The following GYS2 variants were observed in gnomAD, a reference collection of about 807,000 sequenced individuals.
GYS2 encodes the protein glycogen synthase 2.
GYS2 carries 80 observed loss-of-function variants against 85.6 expected under a neutral mutation model. That is an observed-to-expected ratio of 0.93 (90% confidence interval 0.78 to 1.13). GYS2 has a LOEUF of 1.13. Among genes scored for constraint, GYS2 ranks in the 50% most tolerant of loss-of-function variants. The pLI, the probability that GYS2 is intolerant of heterozygous loss-of-function variation, is 0.00. For synonymous variants in GYS2, 328 were observed against 300.7 expected (o/e 1.09, Z -0.94); for missense variants, 881 against 854.9 (o/e 1.03, Z -0.38).
intron 2 of GYS2, among the ~76,000 whole-genome samples, chr12:21,576,672 C>A (rs1051237900): frequency 2.0e-5 from 3 of 152,240 alleles, no homozygotes; most frequent in East Asian, 1.9e-4. Flanking sequence ...CTATTACATT[C>A]TTCAAATTGA....
At chr12:21,579,513 C>T (rs73085401) in intron 2 of GYS2, among the ~76,000 whole-genome samples, 23,187 of 151,998 alleles carry the variant, frequency 0.15, 1,894 homozygotes, top group Middle Eastern at 0.19. Context: ...GCCTGCAAAA[C>T]CACACCTGGC....
chr12:21,582,586 G>A (rs1425203403), intron 1 of GYS2, among the ~76,000 whole-genome samples: 1 of 136,516 alleles, frequency 7.3e-6, no homozygotes, highest in African/African-American at 2.7e-5. Flanking sequence ...TATAGAGATA[G>A]ATATAGAGAT....
rs577896819 is a variant in GYS2 at position 21,554,122 on chromosome 12, TGGAA to T, written c.1422+4074_1422+4077del. 3.5e-4 allele frequency among the ~76,000 whole-genome samples: 52 copies of T among 147,882 alleles called. 2 individuals carry two copies. The South Asian group carries it at 8.8e-3, about 25-fold the overall frequency. On this transcript the variant is annotated intron_variant, in intron 11 of 15. Transcript: ENST00000261195. ...TTCCTTTCTAGGAAGGAAAGAAGAA[TGGAA>T]GGAAGGAAGGAAGCGAGGAAGGAAG...
At chr12:21,567,197 C>G (rs1215305372) in intron 5 of GYS2, among the ~76,000 whole-genome samples, 1 of 152,002 alleles carries the variant, frequency 6.6e-6, no homozygotes, top group Admixed American at 6.6e-5. Flanking sequence ...AGTAAGTGAA[C>G]CTAGCAATTA....
downstream of GYS2, chr12:21,532,938 C>T (rs1388732881): frequency 6.6e-6 from 1 of 152,170 alleles, no homozygotes; most frequent in Non-Finnish European, 1.5e-5. Context: ...TAAAAGGTCC[C>T]TCTTCCCAAT....
intron 5 of GYS2, among the ~76,000 whole-genome samples, chr12:21,566,104 A>G (rs1181267483): frequency 6.6e-6 from 1 of 152,142 alleles, no homozygotes; most frequent in Non-Finnish European, 1.5e-5. Context: ...ATCTTAAACT[A>G]TTTTGAGTCA....
chr12:21,559,183 A>G lies in GYS2; in HGVS notation c.1230-14T>C, dbSNP rs765461859. The G allele has an allele frequency of 1.3e-6, 2 of 1,521,364 alleles. No individual in the cohort carries two copies. The highest frequency in any genetic ancestry group is 1.8e-6 in the Non-Finnish European group (2 of 1,096,872). The allele number at this position is 1,521,364 out of a possible 1,614,324, so 94.2% of individuals were successfully genotyped here. A position where few individuals can be genotyped will look rare whatever the true frequency, so the allele number is the denominator to read the frequency against. ...GGAATTTCTCCTCTGCAGGGAAAAA[A>G]TGTTAATAACAAAAATAAAAACAGC... is the stretch of plus-strand genomic sequence containing the variant. On this transcript the variant is annotated splice_polypyrimidine_tract_variant and intron_variant, in intron 9 of 15. Transcript: ENST00000261195.
At chr12:21,599,891 T>C (rs1400183674) in intron 1 of GYS2, among the ~76,000 whole-genome samples, 1 of 152,186 alleles carries the variant, frequency 6.6e-6, no homozygotes, top group East Asian at 1.9e-4. Flanking sequence ...TATTAAATGC[T>C]AGGCACAGTT....
At chr12:21,601,050 G>C (rs570592012) in intron 1 of GYS2, among the ~76,000 whole-genome samples, 1 of 152,224 alleles carries the variant, frequency 6.6e-6, no homozygotes, top group African/African-American at 2.4e-5. Context: ...CTTTCATTAT[G>C]TGTGACAACA....
intron 11 of GYS2, among the ~76,000 whole-genome samples, chr12:21,551,830 C>A (rs759298956): frequency 5.3e-5 from 8 of 152,096 alleles, no homozygotes; most frequent in Non-Finnish European, 1.0e-4. Flanking sequence ...AACTGGCAAC[C>A]CGTTGTACTC....
chr12:21,544,992 A>C (rs1043542700), intron 12 of GYS2, among the ~76,000 whole-genome samples: 1 of 152,162 alleles, frequency 6.6e-6, no homozygotes, highest in African/African-American at 2.4e-5. Flanking sequence ...ATAATAGAAA[A>C]AATTCTTCCT....
chr12:21,591,708 C>G (rs1434272353), intron 1 of GYS2, among the ~76,000 whole-genome samples: 1 of 151,976 alleles, frequency 6.6e-6, no homozygotes, highest in East Asian at 1.9e-4. Flanking sequence ...CTGTCAAAAG[C>G]CAAAGAGTAA....
chr12:21,554,141 GAGGA>G (rs1944147626), intron 11 of GYS2, among the ~76,000 whole-genome samples: 1 of 151,354 alleles, frequency 6.6e-6, no homozygotes, highest in African/African-American at 2.4e-5. Context: ...GGAAGGAAGC[GAGGA>G]AGGAAGGAAG....
At chr12:21,576,794 TTG>T in intron 2 of GYS2, among the ~76,000 whole-genome samples, 1 of 152,324 alleles carries the variant, frequency 6.6e-6, no homozygotes, top group East Asian at 1.9e-4. Context: ...ACTTCCTTTT[TTG>T]TCTCCATATT....
chr12:21,553,162 G>A (rs530327648), intron 11 of GYS2, among the ~76,000 whole-genome samples: 9 of 152,290 alleles, frequency 5.9e-5, no homozygotes, highest in South Asian at 2.1e-4. Flanking sequence ...TGATCCCCCC[G>A]CCTCAGTCTT....
chr12:21,554,020 T>G (rs1319456380), intron 11 of GYS2, among the ~76,000 whole-genome samples: 5 of 152,246 alleles, frequency 3.3e-5, no homozygotes, highest in African/African-American at 1.2e-4. Flanking sequence ...GAGGCACAAG[T>G]GCTGCTGCTG....
At chr12:21,563,808 G>A (rs990847180) in intron 5 of GYS2, among the ~76,000 whole-genome samples, 1 of 152,144 alleles carries the variant, frequency 6.6e-6, no homozygotes, top group African/African-American at 2.4e-5. Context: ...CAGCTGGTAA[G>A]TCGAAGCAGA....
chr12:21,581,548 T>G (rs575544913), intron 1 of GYS2, among the ~76,000 whole-genome samples: 150 of 152,326 alleles, frequency 9.8e-4, no homozygotes, highest in Middle Eastern at 3.4e-3. Flanking sequence ...ATAAAGCCCT[T>G]CCTTCTTTAA....
chr12:21,562,506 C>CA (rs1213233372), intron 7 of GYS2, among the ~76,000 whole-genome samples: 1 of 152,128 alleles, frequency 6.6e-6, no homozygotes, highest in Non-Finnish European at 1.5e-5. Context: ...CCACATCTTC[C>CA]ATTATAGTCT....
Sources: allele counts gnomAD v4.1 joint callset (sites outside exome capture counted in the v4.1 genomes callset), GRCh38; gene constraint gnomAD v4.1.1; transcripts MANE v1.5; gene names NCBI Gene and HGNC (gene_info 2026-07-23, HGNC 2026-07-21).